Variants in DNHD1 observed in about 807,000 individuals in gnomAD.
DNHD1 encodes dynein heavy chain domain 1.
DNHD1 carries 383 observed loss-of-function variants against 458.1 expected under a neutral mutation model. The ratio of observed to expected loss-of-function variants is 0.84; its 90% CI spans 0.77 to 0.91. The LOEUF is 0.91. DNHD1 is among the 40% of genes least tolerant of loss of function. The probability of loss-of-function intolerance (pLI) is 0.00; values close to 1 mark genes in which losing one functional copy is unlikely to be tolerated. For synonymous variants in DNHD1, 2,203 were observed against 2,376.9 expected (o/e 0.93, Z 2.13); for missense variants, 5,336 against 5,866.1 (o/e 0.91, Z 2.95).
In DNHD1 at chr11:6,544,246, G is replaced by C; in HGVS notation, c.3754G>C (p.Gly1252Arg). 1 of 1,551,524 alleles carries C rather than the reference G, an allele frequency of 6.4e-7. No individual in the cohort carries two copies. Among genetic ancestry groups the C allele is most frequent in the Non-Finnish European group, 8.7e-7 (1 of 1,146,970 alleles). Residue 1252 changes from glycine (G) to arginine (R), a missense_variant and splice_region_variant, in exon 19 of 43, where the codon GGT becomes CGT. This residue lies in a region of DNHD1 where 3,932 missense variants were observed against 4,365.6 expected (regional missense o/e 0.90). Transcript: ENST00000254579. ...GTGGGTGGCCATCATGCATGGCCTGGGTAAGTGCAGGCCTCTAGCCAGGCT... is the reference window on the plus strand; with the variant it reads ...GTGGGTGGCCATCATGCATGGCCTGCGTAAGTGCAGGCCTCTAGCCAGGCT... ...LEWVAIMHGL[G>R]ALLEVWLTFQ...
intron 37 of DNHD1, 51 bp from the exon 38 acceptor site, chr11:6,568,403 C>T: frequency 6.2e-7 from 1 of 1,605,714 alleles, no homozygotes; most frequent in Non-Finnish European, 8.5e-7. Context: ...TCCTAGACTT[C>T]TGCCTGACCC....
rs1470077668 is a variant in DNHD1, at chr11:6,548,281, C to T, written c.6977C>T (p.Pro2326Leu). The T allele has an allele frequency of 1.9e-6, 3 of 1,551,716 alleles. No individual in the cohort carries two copies. The highest frequency in any genetic ancestry group is 1.7e-6 in the Non-Finnish European group (2 of 1,147,002). Residue 2326 changes from proline to leucine, a missense_variant, in exon 23 of 43, where the codon CCC (proline) becomes CTC (leucine). Coordinates refer to ENST00000254579, the MANE Select transcript of DNHD1 (RefSeq NM_144666.3). The surrounding 1 kb of genome is among the most constrained non-coding windows in gnomAD (Gnocchi z 4.4). ...CTCTCCAACTACCCTGAGCCACCACCCTCAGCCTTGGTGTTTGATCTACAT... is the reference window on the plus strand; with the variant it reads ...CTCTCCAACTACCCTGAGCCACCACTCTCAGCCTTGGTGTTTGATCTACAT... The part of the protein sequence containing the change: ...SRLSNYPEPP[P>L]SALVFDLHVS...
Position 6,508,203 on chromosome 11 carries a change from A to C in DNHD1, c.921-677A>C, listed in dbSNP as rs140730433. On this transcript the variant is annotated intron_variant, in intron 4 of 42. Transcript: ENST00000254579. ...TGTAACTAGATACACCTATTATATC[A>C]ATCTATATATATTGCATTTAATGTG... is the stretch of plus-strand genomic sequence containing the variant. 309 of 150,476 alleles carry C rather than the reference A, an allele frequency of 2.1e-3. 1 individual carries two copies. Among genetic ancestry groups the C allele is most frequent in the African/African-American group, 7.5e-3 (300 of 39,806 alleles). The allele number at this position is 150,476 out of a possible 1,614,324, so 9.3% of individuals were successfully genotyped here. A position where few individuals can be genotyped will look rare whatever the true frequency, so the allele number is the denominator to read the frequency against.
chr11:6,533,733 T>C lies in DNHD1; in HGVS notation c.2558T>C (p.Val853Ala), dbSNP rs1307344732. ...GAGCTGGAGGAGCGAATGGAATACG[T>C]ACGGGCACTCCACGAACTCATCCGC... ...YVELEERMEY[V>A]RALHELIRNH... The change falls in exon 14 of 43, where the codon GTA becomes GCA. Residue 853 changes from valine to alanine, a missense_variant. By Grantham distance (64) the Val-to-Ala change is moderately conservative (BLOSUM62 0). Coordinates refer to ENST00000254579, the MANE Select transcript of DNHD1 (RefSeq NM_144666.3). 6.4e-7 allele frequency: 1 copy of C among 1,551,454 alleles called. No individual in the cohort carries two copies. Among genetic ancestry groups the C allele is most frequent in the African/African-American group, 1.4e-5 (1 of 73,094 alleles).
In DNHD1 at chr11:6,498,132, C is replaced by A. The variant is rs964791622; in HGVS notation, c.-84C>A. On this transcript the variant is annotated 5_prime_UTR_variant, in exon 3 of 43. Coordinates refer to ENST00000254579, the MANE Select transcript of DNHD1 (RefSeq NM_144666.3). ...TGGGCTGGCCCATGCAGGTGAGGCC[C>A]CGCATCTGGCATCCTGGAACTGGCA... 7.2e-5 allele frequency: 111 copies of A among 1,552,202 alleles called. No individual in the cohort carries two copies. Among genetic ancestry groups the A allele is most frequent in the Admixed American group, 1.3e-4 (7 of 55,666 alleles).
At chr11:6,533,549 A>T (rs1399581335) in intron 13 of DNHD1, 132 bp from the exon 14 acceptor site, 2 of 1,166,938 alleles carry the variant, frequency 1.7e-6, no homozygotes, top group Non-Finnish European at 2.4e-6. Flanking sequence ...ATTGCCCCTG[A>T]TTCCAGTTGA....
intron 6 of DNHD1, 101 bp from the exon 7 acceptor site, chr11:6,511,172 A>C: frequency 3.4e-6 from 5 of 1,451,906 alleles, no homozygotes; most frequent in Non-Finnish European, 4.7e-6. Flanking sequence ...AATCTCTATA[A>C]ATATTTGTGC....
At chr11:6,508,820 G>A in intron 4 of DNHD1, 60 bp from the exon 5 acceptor site, 1 of 1,542,936 alleles carries the variant, frequency 6.5e-7, no homozygotes, top group South Asian at 1.1e-5. Flanking sequence ...TCCTCCTTTG[G>A]TCTCTTAAAG....
Position 6,498,781 on chromosome 11 carries a change from C to T in DNHD1, c.566C>T (p.Thr189Ile). The change falls in exon 3 of 43, where the codon ACA becomes ATA. Residue 189 changes from threonine (T) to isoleucine (I), a missense_variant. Coordinates refer to ENST00000254579, the MANE Select transcript of DNHD1 (RefSeq NM_144666.3). Reference sequence around the variant, plus strand: ...CTGGCCACCTGGCTGCGACCATTGACACTGCCTGAGCTACAGCGCTGCCTG... The same window carrying T: ...CTGGCCACCTGGCTGCGACCATTGATACTGCCTGAGCTACAGCGCTGCCTG... ...EELATWLRPL[T>I]LPELQRCLGI... is the part of the protein sequence containing the mutation. 2.5e-6 allele frequency: 4 copies of T among 1,614,210 alleles called. No homozygotes were observed. The highest frequency in any genetic ancestry group is 3.4e-6 in the Non-Finnish European group (4 of 1,180,024).
chr11:6,555,038 G>GA (rs1247960140), intron 24 of DNHD1, among the ~76,000 whole-genome samples: 1 of 152,156 alleles, frequency 6.6e-6, no homozygotes, highest in African/African-American at 2.4e-5. Context: ...TAAGAGTTTA[G>GA]AAGCGCCTCT....
In DNHD1 at chr11:6,556,882, C is replaced by T. The variant is rs1355538465; in HGVS notation, c.7587C>T (p.Ser2529=). The change falls in exon 25 of 43, where the codon AGC becomes AGT. Residue 2529 remains serine (S), a synonymous_variant. Coordinates refer to ENST00000254579, the MANE Select transcript of DNHD1 (RefSeq NM_144666.3). The part of the protein sequence containing the change: ...FRLFTVLALE[S]MTQATLLERH... The stretch of plus-strand genomic sequence containing the variant: ...TCTTCACAGTCCTGGCCCTGGAAAG[C>T]ATGACCCAGGCCACCCTGCTGGAAA... The T allele has an allele frequency of 1.9e-6, 3 of 1,551,716 alleles. No individual in the cohort carries two copies. The highest frequency in any genetic ancestry group is 2.6e-6 in the Non-Finnish European group (3 of 1,147,008).
rs114006205 is a variant in DNHD1, at chr11:6,539,814, G to A, written c.3421-62G>A. The A allele has an allele frequency of 2.3e-3, 3,427 of 1,481,058 alleles. 72 individuals carry two copies. In the African/African-American group the frequency reaches 0.043, roughly 18 times the overall value. 91.7% of individuals were successfully genotyped at this position (1,481,058 alleles called of 1,614,324 possible). On this transcript the variant is annotated intron_variant, in intron 17 of 42. Coordinates refer to ENST00000254579, the MANE Select transcript of DNHD1 (RefSeq NM_144666.3). ...GCCTCAGATCCAATCCCCAAGTCTC[G>A]GCTCCAAGCCTGTCCCCGAAGCAGT...
In DNHD1 at chr11:6,568,690, T is replaced by C; in HGVS notation, c.12687T>C (p.Pro4229=). Reference sequence around the variant, plus strand: ...CTGTGCTGACTCAGCACTCCATGCCTGTTTTCTGGAACCAGTCCCTGGAGC... The same window carrying C: ...CTGTGCTGACTCAGCACTCCATGCCCGTTTTCTGGAACCAGTCCCTGGAGC... The part of the protein sequence containing the change: ...LPAVLTQHSM[P]VFWNQSLELG... Residue 4229 remains proline, a synonymous_variant, in exon 39 of 43, where the codon CCT becomes CCC. Transcript: ENST00000254579. The C allele has an allele frequency of 6.2e-7, 1 of 1,613,882 alleles. No individual in the cohort carries two copies.
chr11:6,512,207 CTTTCTTTTTTT>C (rs1185212808), intron 7 of DNHD1, among the ~76,000 whole-genome samples: 17 of 106,848 alleles, frequency 1.6e-4, no homozygotes, highest in South Asian at 6.1e-4. Flanking sequence ...TTTTCTTTTT[CTTTCTTTTTTT>C]TTTTTTTTTT....
chr11:6,538,904 A>T, intron 16 of DNHD1, 94 bp downstream of exon 16: 1 of 1,257,980 alleles, frequency 7.9e-7, no homozygotes, highest in Non-Finnish European at 1.1e-6. Context: ...TGCTGGAAAC[A>T]CCTTTCATCC....
At position 6,498,283 on chromosome 11, in the gene DNHD1, G is replaced by A. The variant is rs767950395; in HGVS notation, c.68G>A (p.Trp23Ter). The change falls in exon 3 of 43, where the codon TGG (tryptophan) becomes TAG (stop). Residue 23 changes from tryptophan (W) to a stop codon, truncating the protein, a stop_gained. Coordinates refer to ENST00000254579, the MANE Select transcript of DNHD1 (RefSeq NM_144666.3). LOFTEE classifies it high-confidence loss of function. ...ACATCATCTGATTCCCTTAAGTCTT[G>A]GCACTCCATATGTGTCTTGGACAGC... ...DETSSDSLKSWHSICVLDSKE... is the reference protein window; with the variant it reads ...DETSSDSLKS The A allele has an allele frequency of 6.2e-7, 1 of 1,614,172 alleles. No individual in the cohort carries two copies. Among genetic ancestry groups the A allele is most frequent in the South Asian group, 1.1e-5 (1 of 91,084 alleles).
chr11:6,518,665 A>G (rs1852541366), intron 7 of DNHD1, among the ~76,000 whole-genome samples: 1 of 152,210 alleles, frequency 6.6e-6, no homozygotes. Context: ...TAACAAAATG[A>G]TGGTGCATTG....
Position 6,533,860 on chromosome 11 carries a change from A to C in DNHD1, c.2685A>C (p.Gln895His). 10 of 1,550,386 alleles carry C rather than the reference A, an allele frequency of 6.5e-6. No individual in the cohort carries two copies. The highest frequency in any genetic ancestry group is 8.7e-6 in the Non-Finnish European group (10 of 1,146,658). ...SPIPPCPPPP[Q>H]PHLLHCPLLA... Reference sequence around the variant, plus strand: ...TCCCTCCCTGCCCTCCTCCCCCACAACCACATCTACTCCACTGCCCTCTGC... The same window carrying C: ...TCCCTCCCTGCCCTCCTCCCCCACACCCACATCTACTCCACTGCCCTCTGC... The change falls in exon 14 of 43, where the codon CAA (glutamine) becomes CAC (histidine). Residue 895 changes from glutamine to histidine, a missense_variant. Gln to His is a conservative substitution (Grantham distance 24). Transcript: ENST00000254579.
At chr11:6,517,570 A>G (rs1852503110) in intron 7 of DNHD1, among the ~76,000 whole-genome samples, 1 of 150,696 alleles carries the variant, frequency 6.6e-6, no homozygotes, top group African/African-American at 2.4e-5. Context: ...GCCATTAGTG[A>G]CAACACGTAT....
Sources: allele counts gnomAD v4.1 joint callset (sites outside exome capture counted in the v4.1 genomes callset), GRCh38; gene constraint gnomAD v4.1.1; regional missense constraint gnomAD v4.1.1; non-coding constraint Gnocchi (gnomAD v3.1); transcripts MANE v1.5; gene names NCBI Gene and HGNC (gene_info 2026-07-23, HGNC 2026-07-21).